ABTB2: variants seen among roughly 807,000 people sequenced by gnomAD.
ABTB2 encodes ankyrin repeat and BTB/POZ domain-containing protein 2.
ABTB2 carries 56 observed loss-of-function variants against 104.1 expected under a neutral mutation model. The ratio of observed to expected loss-of-function variants is 0.54; its 90% CI spans 0.43 to 0.67. The LOEUF (loss-of-function observed/expected upper bound fraction) is 0.67, where lower values mean the gene tolerates loss of function less well. ABTB2 is among the 30% of genes least tolerant of loss of function. ABTB2 has a pLI of 0.00. For synonymous variants in ABTB2, 606 were observed against 608.2 expected (o/e 1.00, Z 0.05); for missense variants, 1,279 against 1,407.7 (o/e 0.91, Z 1.46).
chr11:34,229,443 T>C (rs537769827), intron 1 of ABTB2, among the ~76,000 whole-genome samples: 1 of 147,806 alleles, frequency 6.8e-6, no homozygotes, highest in African/African-American at 2.5e-5. Flanking sequence ...ATCGCACCAC[T>C]GCACTCCAGC....
At chr11:34,282,703 CT>C (rs954794835) in intron 1 of ABTB2, among the ~76,000 whole-genome samples, 2 of 150,000 alleles carry the variant, frequency 1.3e-5, no homozygotes, top group Admixed American at 6.7e-5. Flanking sequence ...ATTTTTTTTT[CT>C]TTTTTTTAGT....
At chr11:34,198,015 A>G (rs1165456799) in intron 2 of ABTB2, among the ~76,000 whole-genome samples, 2 of 152,142 alleles carry the variant, frequency 1.3e-5, no homozygotes, top group African/African-American at 4.8e-5. Context: ...CACCAACACC[A>G]CCATCATCAC....
chr11:34,357,872 CAG>C lies in ABTB2; in HGVS notation c.-291_-290del, dbSNP rs1425814033. On this transcript the variant is annotated 5_prime_UTR_variant, in exon 1 of 17. Coordinates refer to ENST00000435224, the MANE Select transcript of ABTB2 (RefSeq NM_145804.3). ...CTTGTCCACCTCTAATTCCCACAAG[CAG>C]AGAGTCAGTCCTCCACAGAGAAGGA... The C allele has an allele frequency of 5.3e-6, 2 of 380,406 alleles. No homozygotes were observed. The highest frequency in any genetic ancestry group is 9.5e-6 in the Non-Finnish European group (2 of 211,502). The allele number at this position is 380,406 out of a possible 1,614,324, so 23.6% of individuals were successfully genotyped here. A position where few individuals can be genotyped will look rare whatever the true frequency, so the allele number is the denominator to read the frequency against.
intron 1 of ABTB2, among the ~76,000 whole-genome samples, chr11:34,215,707 C>G (rs1853542144): frequency 6.6e-6 from 1 of 152,186 alleles, no homozygotes; most frequent in Admixed American, 6.5e-5. Context: ...TCCTAATTCA[C>G]AAGATTGAGC....
chr11:34,352,004 G>A (rs751282746), intron 1 of ABTB2, among the ~76,000 whole-genome samples: 2 of 152,164 alleles, frequency 1.3e-5, no homozygotes, highest in African/African-American at 2.4e-5. Flanking sequence ...TTAATAAAAT[G>A]GTTAAAGAGA....
intron 1 of ABTB2, among the ~76,000 whole-genome samples, chr11:34,286,533 T>C (rs1854508296): frequency 6.6e-6 from 1 of 152,040 alleles, no homozygotes; most frequent in Non-Finnish European, 1.5e-5. Context: ...CCTCAAGTGA[T>C]CCACCTGCCT....
chr11:34,353,199 C>G (rs893276186), intron 1 of ABTB2, among the ~76,000 whole-genome samples: 36 of 152,216 alleles, frequency 2.4e-4, no homozygotes, highest in Admixed American at 1.8e-3. Flanking sequence ...TTCTTTGGAG[C>G]AAGAATATTC....
At chr11:34,191,837 C>T (rs969086583) in intron 3 of ABTB2, among the ~76,000 whole-genome samples, 1 of 152,170 alleles carries the variant, frequency 6.6e-6, no homozygotes, top group Non-Finnish European at 1.5e-5. Context: ...CAACAGTGCC[C>T]GTGTTCCCTT....
At chr11:34,160,823 TCTGC>T in intron 11 of ABTB2, 76 bp downstream of exon 11, 3 of 1,456,260 alleles carry the variant, frequency 2.1e-6, no homozygotes, top group Non-Finnish European at 2.8e-6. Flanking sequence ...TGTCCACGTG[TCTGC>T]CTGTGTGTCC....
intron 1 of ABTB2, among the ~76,000 whole-genome samples, chr11:34,340,918 G>T (rs989052504): frequency 6.6e-6 from 1 of 152,162 alleles, no homozygotes; most frequent in Non-Finnish European, 1.5e-5. Flanking sequence ...AGCTCAGTAG[G>T]AAAGATGAGC....
chr11:34,208,389 C>G (rs767140955), intron 1 of ABTB2, among the ~76,000 whole-genome samples: 1 of 152,122 alleles, frequency 6.6e-6, no homozygotes, highest in Non-Finnish European at 1.5e-5. Flanking sequence ...GAGGGACAAC[C>G]GCTTTGGGAC....
intron 2 of ABTB2, among the ~76,000 whole-genome samples, chr11:34,202,496 A>C (rs1206187240): frequency 6.6e-6 from 1 of 152,154 alleles, no homozygotes; most frequent in Non-Finnish European, 1.5e-5. Flanking sequence ...CGGGGGATAG[A>C]GGGGATAGAT....
intron 1 of ABTB2, among the ~76,000 whole-genome samples, chr11:34,274,679 T>C (rs1317387863): frequency 6.6e-6 from 1 of 152,012 alleles, no homozygotes; most frequent in Non-Finnish European, 1.5e-5. Context: ...CATTTTTTCT[T>C]GGCCAAGAAG....
chr11:34,349,690 C>T (rs1855375649), intron 1 of ABTB2, among the ~76,000 whole-genome samples: 1 of 152,226 alleles, frequency 6.6e-6, no homozygotes, highest in Non-Finnish European at 1.5e-5. Context: ...CTGTGTTTCA[C>T]AGCCAAGGGT....
intron 1 of ABTB2, among the ~76,000 whole-genome samples, chr11:34,264,951 G>A (rs1854230188): frequency 6.6e-6 from 1 of 152,198 alleles, no homozygotes; most frequent in African/African-American, 2.4e-5. Context: ...CAAAATGAGG[G>A]ATCTGAATCA....
intron 1 of ABTB2, among the ~76,000 whole-genome samples, chr11:34,271,216 A>G (rs1028019271): frequency 6.6e-6 from 1 of 152,222 alleles, no homozygotes; most frequent in Admixed American, 6.5e-5. Context: ...CCTGATTCAG[A>G]CTAAATTGAA....
intron 1 of ABTB2, among the ~76,000 whole-genome samples, chr11:34,319,108 A>G (rs1239221335): frequency 6.6e-6 from 1 of 152,208 alleles, no homozygotes; most frequent in Non-Finnish European, 1.5e-5. Flanking sequence ...GAGTAATAGG[A>G]ACAGCGCTGG....
chr11:34,153,552 C>T lies in ABTB2; in HGVS notation c.2880+713G>A, dbSNP rs549133184. Among the ~76,000 whole-genome samples, 4 of 152,288 alleles carry T rather than the reference C, an allele frequency of 2.6e-5. No individual in the cohort carries two copies. In the South Asian group the frequency reaches 8.3e-4, roughly 32 times the overall value. On this transcript the variant is annotated intron_variant, in intron 16 of 16. Coordinates refer to ENST00000435224, the MANE Select transcript of ABTB2 (RefSeq NM_145804.3). Reference sequence around the variant, plus strand: ...CTCAGCTAGTTTGTAGAGGCAGGTTCTTGCCATGTTTCACAGGCTGGTCTA... The same window carrying T: ...CTCAGCTAGTTTGTAGAGGCAGGTTTTTGCCATGTTTCACAGGCTGGTCTA...
chr11:34,273,372 G>A (rs937311626), intron 1 of ABTB2, among the ~76,000 whole-genome samples: 1 of 152,206 alleles, frequency 6.6e-6, no homozygotes, highest in Non-Finnish European at 1.5e-5. Context: ...AAGGCCCGGG[G>A]TCTCTCTGTT....
Sources: gnomAD v4.1 joint callset for allele counts (sites outside exome capture counted in the v4.1 genomes callset) on GRCh38, gnomAD v4.1.1 for gene constraint, MANE v1.5 for transcripts, NCBI Gene and HGNC (gene_info 2026-07-23, HGNC 2026-07-21) for gene names.